USP48: variants seen among roughly 807,000 people sequenced by gnomAD.
The protein encoded by USP48 is ubiquitin carboxyl-terminal hydrolase 48.
A neutral mutation model predicts 150.7 loss-of-function variants in USP48; 43 were observed. That is an observed-to-expected ratio of 0.29 (90% confidence interval 0.22 to 0.37). The LOEUF (loss-of-function observed/expected upper bound fraction) is 0.37. Ranked by LOEUF, USP48 falls within the 10% of genes least tolerant of loss-of-function variation. USP48 has a pLI of 1.00. For missense variants in USP48, 813 were observed against 1,249.6 expected (o/e 0.65, Z 5.27); for synonymous variants, 396 against 425.9 (o/e 0.93, Z 0.86).
intron 14 of USP48, among the ~76,000 whole-genome samples, chr1:21,719,612 C>T (rs1464413316): frequency 6.6e-6 from 1 of 152,126 alleles, no homozygotes; most frequent in Non-Finnish European, 1.5e-5. Flanking sequence ...AAAAACTGGT[C>T]AGGCACGGTG....
At chr1:21,710,868 C>T (rs1484965769) in intron 15 of USP48, among the ~76,000 whole-genome samples, 2 of 151,888 alleles carry the variant, frequency 1.3e-5, no homozygotes, top group Admixed American at 1.3e-4. Context: ...AGTGCAGTGG[C>T]GTGATCATAG....
chr1:21,751,112 G>T (rs2097811640), intron 6 of USP48, among the ~76,000 whole-genome samples: 1 of 152,094 alleles, frequency 6.6e-6, no homozygotes, highest in African/African-American at 2.4e-5. Flanking sequence ...ATCTCCACAT[G>T]AATCTAAATA....
intron 1 of USP48, among the ~76,000 whole-genome samples, chr1:21,761,834 T>C (rs754842789): frequency 2.6e-5 from 4 of 152,224 alleles, no homozygotes; most frequent in Non-Finnish European, 4.4e-5. Context: ...TTTGTCAGCT[T>C]ATATCAAAGC....
chr1:21,705,734 A>C lies in USP48; in HGVS notation c.2377T>G (p.Ser793Ala), dbSNP rs751706368. The C allele has an allele frequency of 6.3e-7, 1 of 1,599,822 alleles. No homozygotes were observed. The highest frequency in any genetic ancestry group is 8.5e-7 in the Non-Finnish European group (1 of 1,175,608). The change falls in exon 19 of 27, where the codon TCT becomes GCT. Residue 793 changes from serine (S) to alanine (A), a missense_variant. Coordinates refer to ENST00000308271, the MANE Select transcript of USP48 (RefSeq NM_032236.8). ...TGAAGAGAAGGAACTCACAGTTTAG[A>C]ATCTTCTTTGGTCATGGAAGCAAAT... ...FTFASMTKED[S>A]KLIALIWPSE... is the part of the protein sequence containing the mutation.
intron 8 of USP48, among the ~76,000 whole-genome samples, chr1:21,744,793 A>G (rs527823071): frequency 1.4e-3 from 211 of 151,204 alleles, no homozygotes; most frequent in African/African-American, 5.0e-3. Flanking sequence ...AAAAAAAAAA[A>G]AAAAAAAAAT....
chr1:21,688,592 C>T (rs1425877182), intron 24 of USP48, among the ~76,000 whole-genome samples: 1 of 151,436 alleles, frequency 6.6e-6, no homozygotes, highest in Non-Finnish European at 1.5e-5. Flanking sequence ...CCTGTAATCC[C>T]AGCACTTTGG....
At chr1:21,775,190 G>A (rs2152650805) in intron 1 of USP48, among the ~76,000 whole-genome samples, 1 of 152,056 alleles carries the variant, frequency 6.6e-6, no homozygotes, top group Admixed American at 6.6e-5. Context: ...CACCTCCCAA[G>A]CTTAAGCCAT....
At chr1:21,745,777 G>A (rs1371139359) in intron 8 of USP48, among the ~76,000 whole-genome samples, 1 of 152,132 alleles carries the variant, frequency 6.6e-6, no homozygotes, top group Non-Finnish European at 1.5e-5. Context: ...CATCTCCTAA[G>A]TTTCTGGACT....
rs1363952313 is a variant in USP48 at position 21,728,666 on chromosome 1, T to C, written c.1354A>G (p.Ile452Val). 2.5e-6 allele frequency: 4 copies of C among 1,614,212 alleles called. No individual in the cohort carries two copies. Among genetic ancestry groups the C allele is most frequent in the Admixed American group, 1.7e-5 (1 of 60,028 alleles). Residue 452 changes from isoleucine (I) to valine (V), a missense_variant, in exon 11 of 27, where the codon ATT becomes GTT. Ile to Val is a conservative substitution (Grantham distance 29, BLOSUM62 3). Coordinates refer to ENST00000308271, the MANE Select transcript of USP48 (RefSeq NM_032236.8). ...TGCTTACGCATCTCAGCCATTTCAATACACCACTCCTCAAATTTGGAATTA... is the reference window on the plus strand; with the variant it reads ...TGCTTACGCATCTCAGCCATTTCAACACACCACTCCTCAAATTTGGAATTA... ...RDNSKFEEWC[I>V]EMAEMRKQSV...
intron 10 of USP48, 63 bp downstream of exon 10, chr1:21,729,641 A>G (rs2097751153): frequency 6.4e-6 from 10 of 1,567,382 alleles, no homozygotes; most frequent in East Asian, 4.5e-5. Flanking sequence ...ATTACTTATC[A>G]TTAATCTTTG....
chr1:21,690,584 C>T (rs980804900), intron 23 of USP48, among the ~76,000 whole-genome samples: 4 of 151,824 alleles, frequency 2.6e-5, no homozygotes, highest in African/African-American at 7.3e-5. Flanking sequence ...AGTGCAGTGG[C>T]GCGATCATGG....
intron 8 of USP48, among the ~76,000 whole-genome samples, chr1:21,744,015 T>C (rs541583109): frequency 6.6e-6 from 1 of 152,286 alleles, no homozygotes; most frequent in East Asian, 1.9e-4. Context: ...ATTCCCTATA[T>C]CATTAATGAA....
At chr1:21,772,645 G>A (rs2097884704) in intron 1 of USP48, among the ~76,000 whole-genome samples, 1 of 150,792 alleles carries the variant, frequency 6.6e-6, no homozygotes, top group Non-Finnish European at 1.5e-5. Flanking sequence ...AACTAGGCCA[G>A]GCGTGGTGGC....
chr1:21,688,578 C>T (rs1480141093), intron 24 of USP48, among the ~76,000 whole-genome samples: 1 of 151,484 alleles, frequency 6.6e-6, no homozygotes, highest in East Asian at 2.0e-4. Context: ...CGCAGTGGCT[C>T]ACACCTGTAA....
In USP48 at chr1:21,706,713, C is replaced by G. The variant is rs753304846; in HGVS notation, c.2088+31G>C. On this transcript the variant is annotated intron_variant, in intron 16 of 26. Transcript: ENST00000308271. The stretch of plus-strand genomic sequence containing the variant: ...AAGTCAACCCAGGGAGGTGGCATGC[C>G]ATTTCCCCAGATGTCAGTAGCGTTC... 12 of 1,609,804 alleles carry G rather than the reference C, an allele frequency of 7.5e-6. No individual in the cohort carries two copies. The South Asian group carries it at 1.3e-4, about 18-fold the overall frequency.
At chr1:21,761,036 G>A (rs1021196408) in intron 1 of USP48, among the ~76,000 whole-genome samples, 3 of 150,192 alleles carry the variant, frequency 2.0e-5, no homozygotes, top group African/African-American at 4.9e-5. Context: ...TGAAGGTTGT[G>A]GTGAGCCAAG....
At chr1:21,778,644 G>C (rs1309337068) in intron 1 of USP48, among the ~76,000 whole-genome samples, 1 of 142,444 alleles carries the variant, frequency 7.0e-6, no homozygotes, top group East Asian at 2.0e-4. Flanking sequence ...GCCATGAACA[G>C]TTTCATTCAT....
chr1:21,783,108 TG>T lies in USP48; in HGVS notation c.-152del. 8.4e-7 allele frequency: 1 copy of T among 1,189,284 alleles called. No individual in the cohort carries two copies. 73.7% of individuals were successfully genotyped at this position (1,189,284 alleles called of 1,614,324 possible). Reference sequence around the variant, plus strand: ...CCAGTCAATCACCTGTGCGCGCCACTGCCGCCGCGCCCGCCCGCGCCCGACC... The same window carrying T: ...CCAGTCAATCACCTGTGCGCGCCACTCCGCCGCGCCCGCCCGCGCCCGACC... On this transcript the variant is annotated 5_prime_UTR_variant, in exon 1 of 27. Transcript: ENST00000308271.
At chr1:21,757,122 C>G (rs333208) in intron 2 of USP48, among the ~76,000 whole-genome samples, 11,619 of 152,058 alleles carry the variant, frequency 0.076, 503 homozygotes, top group Middle Eastern at 0.11. Context: ...TAAAGATTGG[C>G]GGTGGTAGAG....
Sources: gnomAD v4.1 joint callset for allele counts (sites outside exome capture counted in the v4.1 genomes callset) on GRCh38, gnomAD v4.1.1 for gene constraint, MANE v1.5 for transcripts, NCBI Gene and HGNC (gene_info 2026-07-23, HGNC 2026-07-21) for gene names.